TCF7L2: variants seen among roughly 807,000 people sequenced by gnomAD.
TCF7L2 encodes transcription factor 7 like 2.
In TCF7L2, 23 loss-of-function variants were observed where a neutral mutation model predicts 77.9. The ratio of observed to expected loss-of-function variants is 0.30; its 90% CI spans 0.21 to 0.42. The LOEUF (loss-of-function observed/expected upper bound fraction) is 0.42. Among genes scored for constraint, TCF7L2 ranks in the 10% least tolerant of loss-of-function variants. The pLI is 1.00. For missense variants in TCF7L2, 654 were observed against 793.1 expected (o/e 0.82, Z 2.11); for synonymous variants, 413 against 340.2 (o/e 1.21, Z -2.36).
intron 4 of TCF7L2, among the ~76,000 whole-genome samples, chr10:112,967,036 C>T (rs1207566464): frequency 7.8e-6 from 1 of 128,318 alleles, no homozygotes; most frequent in Non-Finnish European, 1.5e-5. Flanking sequence ...GTTTGATCCT[C>T]AAAGGATAAA....
rs2074058472 is a variant in TCF7L2, at chr10:113,166,736, G to A, written c.*764G>A. ...AAAGTTTTTTTCCCCCTTAGCATAAGCATCTTATATATAACAACTCATTTG... is the reference window on the plus strand; with the variant it reads ...AAAGTTTTTTTCCCCCTTAGCATAAACATCTTATATATAACAACTCATTTG... On this transcript the variant is annotated 3_prime_UTR_variant, in exon 14 of 14. Transcript: ENST00000627217. The A allele has an allele frequency of 4.4e-6, 1 of 228,492 alleles. No individual in the cohort carries two copies. Among genetic ancestry groups the A allele is most frequent in the Admixed American group, 5.7e-5 (1 of 17,648 alleles). 14.2% of individuals were successfully genotyped at this position (228,492 alleles called of 1,614,324 possible).
intron 4 of TCF7L2, among the ~76,000 whole-genome samples, chr10:113,032,139 C>T (rs955877248): frequency 6.6e-6 from 1 of 152,118 alleles, no homozygotes; most frequent in Admixed American, 6.5e-5. Flanking sequence ...ATTTGAAGAG[C>T]GACTTTTGGG....
In TCF7L2 at chr10:113,167,368, A is replaced by T. The variant is rs989638264; in HGVS notation, c.*1396A>T. 37 of 226,014 alleles carry T rather than the reference A, an allele frequency of 1.6e-4. No homozygotes were observed. Among genetic ancestry groups the T allele is most frequent in the African/African-American group, 7.8e-4 (35 of 45,068 alleles). The allele number at this position is 226,014 out of a possible 1,614,324, so 14.0% of individuals were successfully genotyped here. On this transcript the variant is annotated 3_prime_UTR_variant, in exon 14 of 14. Coordinates refer to ENST00000627217, the MANE Select transcript of TCF7L2 (RefSeq NM_001146274.2). Reference sequence around the variant, plus strand: ...CTTTAAAAATAAAAAAAACCTAGGCATGTTGATGTTGCAAAATGCTGTATA... The same window carrying T: ...CTTTAAAAATAAAAAAAACCTAGGCTTGTTGATGTTGCAAAATGCTGTATA...
intron 5 of TCF7L2, among the ~76,000 whole-genome samples, chr10:113,109,137 T>C (rs2062795553): frequency 6.6e-6 from 1 of 152,194 alleles, no homozygotes; most frequent in Non-Finnish European, 1.5e-5. Context: ...AGCTTTAGAA[T>C]TGCCGCACTG....
rs146458280 is a variant in TCF7L2, at chr10:112,967,587, G to A, written c.450+2963G>A. ...AGACAAGAGCAACTCAGATGGCCACGTTCTCCCAAAATGGATAACACAAAT... is the reference window on the plus strand; with the variant it reads ...AGACAAGAGCAACTCAGATGGCCACATTCTCCCAAAATGGATAACACAAAT... On this transcript the variant is annotated intron_variant, in intron 4 of 13. Coordinates refer to ENST00000627217, the MANE Select transcript of TCF7L2 (RefSeq NM_001146274.2). Among the ~76,000 whole-genome samples the A allele has an allele frequency of 4.0e-5, 6 of 151,802 alleles. No homozygotes were observed. In the East Asian group the frequency reaches 7.7e-4, roughly 20 times the overall value.
In TCF7L2 at chr10:113,069,674, C is replaced by T. The variant is rs145979998; in HGVS notation, c.552+29548C>T. 3.1e-3 allele frequency among the ~76,000 whole-genome samples: 473 copies of T among 152,286 alleles called. 2 individuals are homozygous for T. Among genetic ancestry groups the T allele is most frequent in the African/African-American group, 0.011 (446 of 41,562 alleles). ...TTTAAAAGGCATAGACTAGTCTGGC[C>T]TTCTGCCCATTCAGAGACTGTGTAT... On this transcript the variant is annotated intron_variant, in intron 5 of 13. Coordinates refer to ENST00000627217, the MANE Select transcript of TCF7L2 (RefSeq NM_001146274.2).
At chr10:113,095,385 T>G (rs990811932) in intron 5 of TCF7L2, among the ~76,000 whole-genome samples, 3 of 152,206 alleles carry the variant, frequency 2.0e-5, no homozygotes, top group African/African-American at 7.2e-5. Flanking sequence ...ACTGCCAGAT[T>G]ATTTTTATTT....
chr10:113,099,414 G>T (rs1003783301), intron 5 of TCF7L2, among the ~76,000 whole-genome samples: 1 of 152,158 alleles, frequency 6.6e-6, no homozygotes, highest in Admixed American at 6.5e-5. Context: ...CGACTTAGAT[G>T]AAACCAGGAA....
At chr10:113,102,669 G>A (rs533154620) in intron 5 of TCF7L2, among the ~76,000 whole-genome samples, 3 of 152,150 alleles carry the variant, frequency 2.0e-5, no homozygotes, top group African/African-American at 7.2e-5. Context: ...CAGGTGATCT[G>A]TCTTCCTCGG....
At chr10:113,084,409 G>T (rs1284491572) in intron 5 of TCF7L2, among the ~76,000 whole-genome samples, 1 of 152,228 alleles carries the variant, frequency 6.6e-6, no homozygotes, top group East Asian at 1.9e-4. Flanking sequence ...TCAGGAGGAT[G>T]CCGGCTGGTT....
chr10:112,984,434 T>A (rs1210194376), intron 4 of TCF7L2, among the ~76,000 whole-genome samples: 1 of 152,202 alleles, frequency 6.6e-6, no homozygotes, highest in Non-Finnish European at 1.5e-5. Context: ...ATGGCATGGC[T>A]TTTTAGCAAG....
chr10:112,981,660 T>C (rs1441557593), intron 4 of TCF7L2, among the ~76,000 whole-genome samples: 6 of 152,228 alleles, frequency 3.9e-5, no homozygotes, highest in Non-Finnish European at 8.8e-5. Flanking sequence ...GAACCAATGA[T>C]GTGACTTGTA....
intron 8 of TCF7L2, among the ~76,000 whole-genome samples, chr10:113,149,229 C>CT (rs1368815570): frequency 6.6e-6 from 1 of 152,046 alleles, no homozygotes. Flanking sequence ...AGGGGTTTTG[C>CT]TTTTTTTGTT....
chr10:112,955,103 C>G (rs79106981), intron 3 of TCF7L2, among the ~76,000 whole-genome samples: 1 of 152,026 alleles, frequency 6.6e-6, no homozygotes, highest in African/African-American at 2.4e-5. Flanking sequence ...CCCACCCCCC[C>G]ACCTCACCCC....
chr10:112,963,075 A>G (rs35221824), intron 3 of TCF7L2, among the ~76,000 whole-genome samples: 3,027 of 152,196 alleles, frequency 0.02, 53 homozygotes, highest in Middle Eastern at 0.031. Flanking sequence ...TGTTTGGGGC[A>G]AGCAGACTTA....
At position 113,151,924 on chromosome 10, in the gene TCF7L2, G is replaced by T; in HGVS notation, c.1161+40G>T. ...TCTCAGGGAGAAGCGGGGGGCGGGTGGTGAGGGACCAGAGTGCAGCAGGTC... is the reference window on the plus strand; with the variant it reads ...TCTCAGGGAGAAGCGGGGGGCGGGTTGTGAGGGACCAGAGTGCAGCAGGTC... On this transcript the variant is annotated intron_variant, in intron 10 of 13. Coordinates refer to ENST00000627217, the MANE Select transcript of TCF7L2 (RefSeq NM_001146274.2). This position sits in a 1 kb window ranked among gnomAD's most constrained non-coding sequence, Gnocchi z 5.2. 1 of 1,570,380 alleles carries T rather than the reference G, an allele frequency of 6.4e-7. No individual in the cohort carries two copies. Among genetic ancestry groups the T allele is most frequent in the South Asian group, 1.2e-5 (1 of 82,268 alleles).
chr10:113,087,709 G>T (rs1404059378), intron 5 of TCF7L2, among the ~76,000 whole-genome samples: 2 of 152,162 alleles, frequency 1.3e-5, no homozygotes, highest in Non-Finnish European at 2.9e-5. Context: ...TCAGCTTCTG[G>T]TTGGTGGCTC....
In TCF7L2 at chr10:112,980,523, G is replaced by A. The variant is rs539122235; in HGVS notation, c.450+15899G>A. Among the ~76,000 whole-genome samples, 4 of 152,174 alleles carry A rather than the reference G, an allele frequency of 2.6e-5. No homozygotes were observed. In the East Asian group the frequency reaches 5.8e-4, roughly 22 times the overall value. On this transcript the variant is annotated intron_variant, in intron 4 of 13. Transcript: ENST00000627217. Reference sequence around the variant, plus strand: ...GAGTGTTCCGGGAGTCACGAAGTTCGGAACTAGATTCTTACCCTTAAAATC... The same window carrying A: ...GAGTGTTCCGGGAGTCACGAAGTTCAGAACTAGATTCTTACCCTTAAAATC...
At chr10:113,141,358 G>A (rs1167636364) in intron 6 of TCF7L2, 42 bp downstream of exon 6, 1 of 1,612,990 alleles carries the variant, frequency 6.2e-7, no homozygotes, top group Non-Finnish European at 8.5e-7. Flanking sequence ...TGCTGGTCCT[G>A]GGGTTCTGGG....
Sources: allele counts gnomAD v4.1 joint callset (sites outside exome capture counted in the v4.1 genomes callset), GRCh38; gene constraint gnomAD v4.1.1; non-coding constraint Gnocchi (gnomAD v3.1); transcripts MANE v1.5; gene names NCBI Gene and HGNC (gene_info 2026-07-23, HGNC 2026-07-21).